Variants in CABIN1 observed in about 807,000 individuals in gnomAD.
The protein encoded by CABIN1 is calcineurin binding protein 1, also known as calcineurin-binding protein cabin-1.
In CABIN1, 133 loss-of-function variants were observed where a neutral mutation model predicts 227.7. The ratio of observed to expected loss-of-function variants is 0.58; its 90% CI spans 0.51 to 0.67. The LOEUF (loss-of-function observed/expected upper bound fraction) is 0.67. CABIN1 is among the 30% of genes least tolerant of loss of function. The pLI is 0.00. For missense variants in CABIN1, 2,408 were observed against 2,852.5 expected, an observed-to-expected ratio of 0.84 and a Z score of 3.55; for synonymous variants, 1,086 against 1,155.1, an observed-to-expected ratio of 0.94 and a Z score of 1.21.
At chr22:24,084,365 A>C (rs1187876144) in intron 20 of CABIN1, among the ~76,000 whole-genome samples, 1 of 151,210 alleles carries the variant, frequency 6.6e-6, no homozygotes, top group Non-Finnish European at 1.5e-5. Context: ...CAACCTCCTG[A>C]GTAGCTGGGA....
chr22:24,106,248 A>G (rs2042509283), intron 26 of CABIN1, among the ~76,000 whole-genome samples: 1 of 152,242 alleles, frequency 6.6e-6, no homozygotes, highest in African/African-American at 2.4e-5. Context: ...TTCTCCCAGA[A>G]GCCTTCCCTG....
chr22:24,156,269 C>T (rs1048646369), intron 29 of CABIN1, among the ~76,000 whole-genome samples: 1 of 152,096 alleles, frequency 6.6e-6, no homozygotes, highest in Non-Finnish European at 1.5e-5. Flanking sequence ...AGCCCGTGGG[C>T]TGTGGTTTCC....
At chr22:24,043,866 A>G (rs146939626) in intron 6 of CABIN1, among the ~76,000 whole-genome samples, 60 of 152,360 alleles carry the variant, frequency 3.9e-4, no homozygotes, top group African/African-American at 1.3e-3. Flanking sequence ...GAATACAGAT[A>G]AATTAATGTG....
At chr22:24,087,175 G>T (rs1393567856) in intron 22 of CABIN1, among the ~76,000 whole-genome samples, 1 of 152,336 alleles carries the variant, frequency 6.6e-6, no homozygotes, top group Non-Finnish European at 1.5e-5. Flanking sequence ...CCTATTAGGC[G>T]CTGGGTGATT....
chr22:24,052,559 G>C lies in CABIN1; in HGVS notation c.806+1585G>C, dbSNP rs547930050. 4.0e-5 allele frequency among the ~76,000 whole-genome samples: 6 copies of C among 151,614 alleles called. No homozygotes were observed. In the East Asian group the frequency reaches 1.2e-3, roughly 29 times the overall value. On this transcript the variant is annotated intron_variant, in intron 8 of 36. Transcript: ENST00000263119. The stretch of plus-strand genomic sequence containing the variant: ...TAATCCCAGTACTTTGGGAGGCTGA[G>C]GCAGGAGGATCACTTGAGTCAAGAG...
chr22:24,167,156 G>A lies in CABIN1; in HGVS notation c.5525G>A (p.Arg1842Gln), dbSNP rs772790853. ...GGCCACCCGGAGGAGCCGCTCTCCCGGCTCAGCCGCAAGAGGAAGCTCCTG... is the reference window on the plus strand; with the variant it reads ...GGCCACCCGGAGGAGCCGCTCTCCCAGCTCAGCCGCAAGAGGAAGCTCCTG... ...AGGHPEEPLS[R>Q]LSRKRKLLED... is the part of the protein sequence containing the mutation. The change falls in exon 32 of 37, where the codon CGG (arginine) becomes CAG (glutamine). Residue 1842 changes from arginine (R) to glutamine (Q), a missense_variant. Arg to Gln is a conservative substitution (Grantham distance 43). Coordinates refer to ENST00000263119, the MANE Select transcript of CABIN1 (RefSeq NM_012295.4). 3.4e-5 allele frequency: 55 copies of A among 1,604,796 alleles called. No individual in the cohort carries two copies. Among genetic ancestry groups the A allele is most frequent in the South Asian group, 2.0e-4 (18 of 89,484 alleles).
At chr22:24,063,526 A>G (rs2039355139) in intron 14 of CABIN1, among the ~76,000 whole-genome samples, 1 of 152,120 alleles carries the variant, frequency 6.6e-6, no homozygotes. Flanking sequence ...CTAGGAGGGA[A>G]TTATTCACCT....
At chr22:24,155,968 G>A (rs551483829) in intron 29 of CABIN1, 8 of 535,370 alleles carry the variant, frequency 1.5e-5, no homozygotes, top group African/African-American at 1.2e-4. Flanking sequence ...GTCCGGCCGC[G>A]CCTGCCCCGC....
At chr22:24,161,594 C>T (rs559175621) in intron 29 of CABIN1, among the ~76,000 whole-genome samples, 1 of 152,276 alleles carries the variant, frequency 6.6e-6, no homozygotes, top group Non-Finnish European at 1.5e-5. Flanking sequence ...CCCTCAGATG[C>T]CGTGGGGGTG....
intron 30 of CABIN1, 53 bp from the exon 31 acceptor site, chr22:24,165,477 A>ATG: frequency 6.8e-7 from 1 of 1,470,380 alleles, no homozygotes; most frequent in Non-Finnish European, 9.4e-7. Context: ...CAGCAGTGCC[A>ATG]TGTGGTGTCA....
intron 29 of CABIN1, among the ~76,000 whole-genome samples, chr22:24,149,524 C>T (rs1012247103): frequency 6.6e-6 from 1 of 152,206 alleles, no homozygotes; most frequent in Non-Finnish European, 1.5e-5. Context: ...TGAGATGGAT[C>T]AGGGCCAATT....
chr22:24,041,708 C>G (rs1415056507), intron 5 of CABIN1, among the ~76,000 whole-genome samples: 1 of 152,182 alleles, frequency 6.6e-6, no homozygotes, highest in South Asian at 2.1e-4. Flanking sequence ...AATAGTATTG[C>G]TGTTATTTCA....
intron 34 of CABIN1, among the ~76,000 whole-genome samples, chr22:24,172,216 C>T (rs2046858069): frequency 6.6e-6 from 1 of 152,232 alleles, no homozygotes; most frequent in Non-Finnish European, 1.5e-5. Flanking sequence ...TTAACCTAAC[C>T]CTGGGTGCCT....
intron 28 of CABIN1, among the ~76,000 whole-genome samples, chr22:24,133,937 CAAAT>C (rs1302245472): frequency 1.3e-5 from 2 of 152,222 alleles, no homozygotes; most frequent in African/African-American, 4.8e-5. Context: ...TGATTCCTGA[CAAAT>C]AAGTCAGGGC....
intron 29 of CABIN1, among the ~76,000 whole-genome samples, chr22:24,157,100 G>A (rs573804683): frequency 6.6e-6 from 1 of 152,296 alleles, no homozygotes; most frequent in African/African-American, 2.4e-5. Flanking sequence ...GGAGGCCAGG[G>A]CGCCCCTGGT....
chr22:24,126,421 T>G (rs1453820551), intron 28 of CABIN1, among the ~76,000 whole-genome samples: 1 of 152,100 alleles, frequency 6.6e-6, no homozygotes, highest in Non-Finnish European at 1.5e-5. Flanking sequence ...GGCTTCCAGA[T>G]GGACACACAC....
In CABIN1 at chr22:24,111,381, C is replaced by A. The variant is rs188807707; in HGVS notation, c.4118-2185C>A. Among the ~76,000 whole-genome samples the A allele has an allele frequency of 1.9e-3, 290 of 152,306 alleles. 2 individuals are homozygous for A. The highest frequency in any genetic ancestry group is 0.017 in the Admixed American group (262 of 15,298). On this transcript the variant is annotated intron_variant, in intron 26 of 36. Coordinates refer to ENST00000263119, the MANE Select transcript of CABIN1 (RefSeq NM_012295.4). Reference sequence around the variant, plus strand: ...GTGAGCAGCAGGCAGGCGAGCACTACCACCTGAGCCCTGGCTCCTGTCCAA... The same window carrying A: ...GTGAGCAGCAGGCAGGCGAGCACTAACACCTGAGCCCTGGCTCCTGTCCAA...
rs183919279 is a variant in CABIN1 at position 24,041,024 on chromosome 22, C to T, written c.211-115C>T. 9.6e-6 allele frequency: 12 copies of T among 1,251,012 alleles called. 2 individuals are homozygous for T. The South Asian group carries it at 1.5e-4, about 15-fold the overall frequency. 77.5% of individuals were successfully genotyped at this position (1,251,012 alleles called of 1,614,324 possible). A position where few individuals can be genotyped will look rare whatever the true frequency, so the allele number is the denominator to read the frequency against. On this transcript the variant is annotated intron_variant, in intron 4 of 36. Transcript: ENST00000263119. The stretch of plus-strand genomic sequence containing the variant: ...GCCTTCATTTTCCAGTGGTGGACAA[C>T]ACTAGACTGGCTCAAGGGCCTGCAG...
intron 24 of CABIN1, among the ~76,000 whole-genome samples, chr22:24,094,450 G>A (rs1602048438): frequency 6.6e-6 from 1 of 152,196 alleles, no homozygotes; most frequent in African/African-American, 2.4e-5. Context: ...AATTTGGGGG[G>A]CAACCCATTC....
Sources: allele counts gnomAD v4.1 joint callset (sites outside exome capture counted in the v4.1 genomes callset), GRCh38; gene constraint gnomAD v4.1.1; transcripts MANE v1.5; gene names NCBI Gene and HGNC (gene_info 2026-07-23, HGNC 2026-07-21).